Variants in GRID2 observed in about 807,000 individuals in gnomAD.
GRID2 encodes the protein glutamate receptor ionotropic, delta-2.
Under a neutral mutation model 114.8 loss-of-function variants are expected in GRID2, and 33 were observed. That is an observed-to-expected ratio of 0.29 (90% CI 0.22 to 0.38). The LOEUF is 0.38. Among genes scored for constraint, GRID2 ranks in the 10% least tolerant of loss-of-function variants. GRID2 has a pLI of 1.00. For missense variants in GRID2, 1,184 were observed against 1,257.7 expected (o/e 0.94, Z 0.89); for synonymous variants, 505 against 449.9 (o/e 1.12, Z -1.55).
intron 10 of GRID2, among the ~76,000 whole-genome samples, chr4:93,435,236 G>C (rs1256820799): frequency 6.6e-6 from 1 of 152,020 alleles, no homozygotes; most frequent in Non-Finnish European, 1.5e-5. Flanking sequence ...ATGAATGGTG[G>C]CCACATGGCA....
chr4:93,128,063 CA>C (rs1734465118), intron 4 of GRID2, among the ~76,000 whole-genome samples: 63 of 52,824 alleles, frequency 1.2e-3, no homozygotes, highest in Non-Finnish European at 1.8e-3. Flanking sequence ...AAAAAAACAA[CA>C]GTACGTGCTA....
chr4:93,128,037 A>C (rs1734440967), intron 4 of GRID2, among the ~76,000 whole-genome samples: 1 of 139,996 alleles, frequency 7.1e-6, no homozygotes, highest in Admixed American at 7.2e-5. Context: ...CAAAAAAAAA[A>C]AAAAAAAAAA....
At chr4:93,271,019 G>A (rs563266502) in intron 8 of GRID2, among the ~76,000 whole-genome samples, 1 of 152,178 alleles carries the variant, frequency 6.6e-6, no homozygotes, top group South Asian at 2.1e-4. Context: ...TTGACTAAGT[G>A]CTTTTATAGC....
intron 1 of GRID2, among the ~76,000 whole-genome samples, chr4:92,389,308 G>T (rs910502608): frequency 6.6e-6 from 1 of 151,796 alleles, no homozygotes; most frequent in Non-Finnish European, 1.5e-5. Flanking sequence ...GACAGTATGG[G>T]GTTTGAAAAT....
chr4:93,552,684 G>T (rs1413624447), intron 13 of GRID2, among the ~76,000 whole-genome samples: 1 of 152,126 alleles, frequency 6.6e-6, no homozygotes, highest in Non-Finnish European at 1.5e-5. Flanking sequence ...TGCACAACGT[G>T]CAGGTTTGTT....
At chr4:93,802,286 C>G (rs1437398584) in intron 1 of GRID2, among the ~76,000 whole-genome samples, 1 of 152,196 alleles carries the variant, frequency 6.6e-6, no homozygotes, top group Non-Finnish European at 1.5e-5. Flanking sequence ...CTCTTCATCA[C>G]TTACATTTAT....
intron 8 of GRID2, among the ~76,000 whole-genome samples, chr4:93,370,214 G>A (rs1011061565): frequency 1.3e-5 from 2 of 152,140 alleles, no homozygotes; most frequent in African/African-American, 4.8e-5. Context: ...ACTTTCTTGT[G>A]TTCTCTACTT....
chr4:92,788,350 CA>C (rs1376223221), intron 2 of GRID2, among the ~76,000 whole-genome samples: 2 of 151,680 alleles, frequency 1.3e-5, no homozygotes, highest in African/African-American at 4.8e-5. Flanking sequence ...GTAATGAAGA[CA>C]AAGTCCCAAC....
At chr4:93,568,835 G>A (rs527638770) in intron 13 of GRID2, among the ~76,000 whole-genome samples, 2 of 152,290 alleles carry the variant, frequency 1.3e-5, no homozygotes, top group South Asian at 2.1e-4. Flanking sequence ...GGGCCACACT[G>A]AGTTGGCATG....
chr4:92,760,085 C>G (rs1340658990), intron 2 of GRID2, among the ~76,000 whole-genome samples: 1 of 150,904 alleles, frequency 6.6e-6, no homozygotes, highest in East Asian at 2.0e-4. Context: ...ACTAAAAACA[C>G]AAAAATTAGC....
intron 4 of GRID2, among the ~76,000 whole-genome samples, chr4:93,138,600 C>T (rs1313878259): frequency 1.3e-5 from 2 of 152,198 alleles, no homozygotes; most frequent in South Asian, 2.1e-4. Context: ...CAGTTAATTA[C>T]ACCTCCAGTC....
intron 1 of GRID2, among the ~76,000 whole-genome samples, chr4:92,367,793 G>C (rs1462190978): frequency 1.3e-5 from 2 of 152,106 alleles, no homozygotes; most frequent in African/African-American, 4.8e-5. Flanking sequence ...ATCTCTGTTT[G>C]ATCTGTGTTA....
chr4:92,517,811 G>T (rs1242411199), intron 1 of GRID2, among the ~76,000 whole-genome samples: 2 of 151,904 alleles, frequency 1.3e-5, no homozygotes, highest in East Asian at 3.9e-4. Flanking sequence ...GTGCCACTAT[G>T]TGGAGACCCA....
intron 2 of GRID2, among the ~76,000 whole-genome samples, chr4:92,711,948 T>A (rs190618940): frequency 1.3e-5 from 2 of 152,290 alleles, no homozygotes; most frequent in Admixed American, 1.3e-4. Flanking sequence ...TTTTGTTAAG[T>A]CAATCCAGAT....
chr4:92,894,991 C>A (rs946442809), intron 2 of GRID2, among the ~76,000 whole-genome samples: 2 of 151,950 alleles, frequency 1.3e-5, no homozygotes, highest in Admixed American at 1.3e-4. Context: ...TTCTAACTGG[C>A]CTGAACCCAG....
intron 10 of GRID2, among the ~76,000 whole-genome samples, chr4:93,449,978 G>T (rs1007444676): frequency 3.3e-5 from 5 of 151,778 alleles, no homozygotes; most frequent in African/African-American, 1.2e-4. Context: ...GACTTTGTGG[G>T]CTACTAGTTT....
chr4:93,169,478 A>G (rs1401484958), intron 4 of GRID2, among the ~76,000 whole-genome samples: 1 of 152,166 alleles, frequency 6.6e-6, no homozygotes, highest in Non-Finnish European at 1.5e-5. Flanking sequence ...AATGTATTCA[A>G]TATTTGATTG....
chr4:93,065,600 G>GT, intron 2 of GRID2, among the ~76,000 whole-genome samples: 1 of 151,964 alleles, frequency 6.6e-6, no homozygotes, highest in South Asian at 2.1e-4. Flanking sequence ...TAGGAACATT[G>GT]TAAGAACAGT....
downstream of GRID2, among the ~76,000 whole-genome samples, chr4:93,775,197 T>G (rs769816278): frequency 5.5e-4 from 83 of 151,508 alleles, no homozygotes; most frequent in Non-Finnish European, 1.1e-3. Context: ...TCCAAAATAA[T>G]TCTTTGAATA....
Sources: allele counts gnomAD v4.1 joint callset (sites outside exome capture counted in the v4.1 genomes callset), GRCh38; gene constraint gnomAD v4.1.1; transcripts MANE v1.5; gene names NCBI Gene and HGNC (gene_info 2026-07-23, HGNC 2026-07-21).